UBASH3B: variants seen among roughly 807,000 people sequenced by gnomAD.
The protein encoded by UBASH3B is ubiquitin associated and SH3 domain containing B, also known as ubiquitin-associated and SH3 domain-containing protein B.
Under a neutral mutation model 83.4 loss-of-function variants are expected in UBASH3B, and 37 were observed. That is an observed-to-expected ratio of 0.44 (90% CI 0.34 to 0.58). UBASH3B has a LOEUF of 0.58. Ranked by LOEUF, UBASH3B falls within the 20% of genes least tolerant of loss-of-function variation. The pLI, the probability that UBASH3B is intolerant of heterozygous loss-of-function variation, is 0.01. For synonymous variants in UBASH3B, 304 were observed against 318.3 expected, an observed-to-expected ratio of 0.96 and a Z score of 0.48; for missense variants, 657 against 827.2, an observed-to-expected ratio of 0.79 and a Z score of 2.52.
chr11:122,790,671 G>A (rs961065889), intron 6 of UBASH3B, among the ~76,000 whole-genome samples: 2 of 152,136 alleles, frequency 1.3e-5, no homozygotes, highest in Non-Finnish European at 2.9e-5. Context: ...GTATGGCCAG[G>A]TGCGGTGGCT....
intron 3 of UBASH3B, among the ~76,000 whole-genome samples, chr11:122,777,747 T>C (rs1488309887): frequency 6.6e-6 from 1 of 152,176 alleles, no homozygotes; most frequent in Non-Finnish European, 1.5e-5. Flanking sequence ...GTTGTTGTTT[T>C]GAGACAGAGT....
chr11:122,812,569 TG>T lies in UBASH3B; in HGVS notation c.*2685del, dbSNP rs1267765230. The T allele has an allele frequency of 1.3e-5, 2 of 152,128 alleles. No homozygotes were observed. Among genetic ancestry groups the T allele is most frequent in the African/African-American group, 4.8e-5 (2 of 41,444 alleles). 9.4% of individuals were successfully genotyped at this position (152,128 alleles called of 1,614,324 possible). On this transcript the variant is annotated 3_prime_UTR_variant, in exon 14 of 14. Coordinates refer to ENST00000284273, the MANE Select transcript of UBASH3B (RefSeq NM_032873.5). Reference sequence around the variant, plus strand: ...AAGGAATTGACAGATAAGAAGCAAATGGTTTCTTGTACAGAGGAATTTTGTT... The same window carrying T: ...AAGGAATTGACAGATAAGAAGCAAATGTTTCTTGTACAGAGGAATTTTGTT...
At position 122,806,351 on chromosome 11, in the gene UBASH3B, T is replaced by A; in HGVS notation, c.1596-59T>A. On this transcript the variant is annotated intron_variant, in intron 11 of 13. Coordinates refer to ENST00000284273, the MANE Select transcript of UBASH3B (RefSeq NM_032873.5). The surrounding 1 kb of genome is among the most constrained non-coding windows in gnomAD (Gnocchi z 4.0). ...CTTGAAATAAAAGTTTAGAGTGATA[T>A]CTTCCTTTGTCTCAAGATCAAAATG... is the stretch of plus-strand genomic sequence containing the variant. 1 of 1,417,870 alleles carries A rather than the reference T, an allele frequency of 7.1e-7. No individual in the cohort carries two copies. 87.8% of individuals were successfully genotyped at this position (1,417,870 alleles called of 1,614,324 possible). A position where few individuals can be genotyped will look rare whatever the true frequency, so the allele number is the denominator to read the frequency against.
chr11:122,714,213 C>T (rs1043002712), intron 1 of UBASH3B, among the ~76,000 whole-genome samples: 2 of 152,172 alleles, frequency 1.3e-5, no homozygotes, highest in African/African-American at 4.8e-5. Flanking sequence ...TTGGGATTCC[C>T]CTAAATAAGA....
intron 1 of UBASH3B, among the ~76,000 whole-genome samples, chr11:122,762,968 C>G (rs984042454): frequency 6.6e-6 from 1 of 152,176 alleles, no homozygotes; most frequent in Non-Finnish European, 1.5e-5. Flanking sequence ...TTGTGCTGAG[C>G]TCTTCAAATA....
intron 1 of UBASH3B, among the ~76,000 whole-genome samples, chr11:122,713,626 T>A (rs984961226): frequency 7.9e-5 from 12 of 152,096 alleles, no homozygotes; most frequent in Admixed American, 7.9e-4. Flanking sequence ...TGGTAAGAGT[T>A]TTTTTGAAAA....
chr11:122,782,892 C>T (rs1031069397), intron 4 of UBASH3B, 161 bp from the exon 5 acceptor site: 6 of 808,164 alleles, frequency 7.4e-6, no homozygotes, highest in South Asian at 5.3e-5. Flanking sequence ...CATCCCCTTA[C>T]CCCCTTATTC....
chr11:122,787,751 C>T (rs903051398), intron 5 of UBASH3B, among the ~76,000 whole-genome samples: 5 of 152,162 alleles, frequency 3.3e-5, no homozygotes, highest in Non-Finnish European at 5.9e-5. Context: ...TAGATTGTCT[C>T]ATTTAACTTT....
At chr11:122,718,267 T>A (rs945977884) in intron 1 of UBASH3B, among the ~76,000 whole-genome samples, 1 of 152,332 alleles carries the variant, frequency 6.6e-6, no homozygotes, top group East Asian at 1.9e-4. Context: ...GATGCATACC[T>A]ACCTAGTCTA....
intron 5 of UBASH3B, among the ~76,000 whole-genome samples, chr11:122,788,437 C>T (rs545380125): frequency 5.3e-5 from 8 of 152,046 alleles, no homozygotes; most frequent in South Asian, 2.1e-4. Flanking sequence ...GGTGTGGTGG[C>T]GGCCGCCTGA....
At chr11:122,689,551 C>T (rs758644885) in intron 1 of UBASH3B, among the ~76,000 whole-genome samples, 8 of 152,104 alleles carry the variant, frequency 5.3e-5, no homozygotes, top group Non-Finnish European at 7.3e-5. Context: ...TCATCAACAC[C>T]GAGGAAGCCT....
chr11:122,693,158 C>T (rs1379601260), intron 1 of UBASH3B, among the ~76,000 whole-genome samples: 1 of 151,918 alleles, frequency 6.6e-6, no homozygotes, highest in Admixed American at 6.6e-5. Flanking sequence ...TACAAAGAAC[C>T]TTCTTAAGGG....
At chr11:122,746,565 T>A (rs777630677) in intron 1 of UBASH3B, among the ~76,000 whole-genome samples, 1 of 152,174 alleles carries the variant, frequency 6.6e-6, no homozygotes, top group Non-Finnish European at 1.5e-5. Context: ...CAGAGTCTAA[T>A]GGAGAAGAAT....
intron 1 of UBASH3B, among the ~76,000 whole-genome samples, chr11:122,698,238 T>TGCAGACAC (rs1863988850): frequency 6.6e-6 from 1 of 151,962 alleles, no homozygotes; most frequent in Non-Finnish European, 1.5e-5. Flanking sequence ...GTTGTCAACA[T>TGCAGACAC]TGCAGATGAC....
chr11:122,809,972 C>CTT lies in UBASH3B; in HGVS notation c.*87_*88insTT. On this transcript the variant is annotated 3_prime_UTR_variant, in exon 14 of 14. Coordinates refer to ENST00000284273, the MANE Select transcript of UBASH3B (RefSeq NM_032873.5). Reference sequence around the variant, plus strand: ...ACAGTGGGAAAATCCACACCACACTCTAAGTGGACAGCTCAGAATAATTTA... The same window carrying CTT: ...ACAGTGGGAAAATCCACACCACACTCTTTAAGTGGACAGCTCAGAATAATTTA... 6.8e-7 allele frequency: 1 copy of CTT among 1,469,490 alleles called. No individual in the cohort carries two copies. Among genetic ancestry groups the CTT allele is most frequent in the Non-Finnish European group, 9.3e-7 (1 of 1,076,106 alleles). The allele number at this position is 1,469,490 out of a possible 1,614,324, so 91.0% of individuals were successfully genotyped here.
At chr11:122,756,061 A>G (rs1332240270) in intron 1 of UBASH3B, among the ~76,000 whole-genome samples, 3 of 141,216 alleles carry the variant, frequency 2.1e-5, no homozygotes, top group Admixed American at 1.4e-4. Flanking sequence ...ATCCATCCCG[A>G]TTTAGGCATA....
intron 1 of UBASH3B, among the ~76,000 whole-genome samples, chr11:122,673,304 G>A (rs986566343): frequency 3.3e-5 from 5 of 152,132 alleles, no homozygotes; most frequent in African/African-American, 9.7e-5. Flanking sequence ...GGAGGCTGAA[G>A]TTTTCAGCAG....
chr11:122,799,133 G>GA, intron 10 of UBASH3B, 99 bp downstream of exon 10: 1 of 972,468 alleles, frequency 1.0e-6, no homozygotes, highest in South Asian at 1.5e-5. Flanking sequence ...TTTGCCAGTT[G>GA]AAAGCTTTGA....
intron 11 of UBASH3B, among the ~76,000 whole-genome samples, chr11:122,804,778 C>G (rs1331513824): frequency 6.6e-6 from 1 of 152,130 alleles, no homozygotes; most frequent in African/African-American, 2.4e-5. Flanking sequence ...CTTACCACAC[C>G]TCCACCAGGC....
Sources: allele counts gnomAD v4.1 joint callset (sites outside exome capture counted in the v4.1 genomes callset), GRCh38; gene constraint gnomAD v4.1.1; non-coding constraint Gnocchi (gnomAD v3.1); transcripts MANE v1.5; gene names NCBI Gene and HGNC (gene_info 2026-07-23, HGNC 2026-07-21).